The following TNIP2 variants were observed in gnomAD, a reference collection of about 807,000 sequenced individuals.
The protein encoded by TNIP2 is TNFAIP3-interacting protein 2.
A neutral mutation model predicts 43.7 loss-of-function variants in TNIP2; 30 were observed. The observed-to-expected ratio is 0.69, with a 90% CI of 0.51 to 0.93. The LOEUF (loss-of-function observed/expected upper bound fraction) is 0.93. TNIP2 is among the 40% of genes least tolerant of loss of function. TNIP2 has a pLI of 0.00. For missense variants in TNIP2, 599 were observed against 591.0 expected, an observed-to-expected ratio of 1.01 and a Z score of -0.14; for synonymous variants, 260 against 254.6, an observed-to-expected ratio of 1.02 and a Z score of -0.20.
Position 2,747,798 on chromosome 4 carries a change from C to T in TNIP2, c.424G>A (p.Val142Ile), listed in dbSNP as rs138986059. The change falls in exon 2 of 6, where the codon GTC (valine) becomes ATC (isoleucine). Residue 142 changes from valine to isoleucine, a missense_variant. Physicochemically the swap from Val to Ile is conservative, Grantham distance 29 (BLOSUM62 3). Transcript: ENST00000315423. ...TCGTTGGCCAAGGAGCGGCACAGGA[C>T]GTCACTGGCGGCCCGGGCGCGCTCC... ...EGERARAASD[V>I]LCRSLANETH... 1,042 of 1,612,638 alleles carry T rather than the reference C, an allele frequency of 6.5e-4. No homozygotes were observed. Among genetic ancestry groups the T allele is most frequent in the Non-Finnish European group, 7.9e-4 (930 of 1,180,046 alleles).
chr4:2,744,641 C>T lies in TNIP2; in HGVS notation c.906+56G>A, dbSNP rs1721887772. 6.3e-7 allele frequency: 1 copy of T among 1,583,546 alleles called. No individual in the cohort carries two copies. The highest frequency in any genetic ancestry group is 8.6e-7 in the Non-Finnish European group (1 of 1,168,286). ...GCCCAGCCTGTCCCATGATTTCGGCCACCACCGGCCAGCAGACATCTGGTC... is the reference window on the plus strand; with the variant it reads ...GCCCAGCCTGTCCCATGATTTCGGCTACCACCGGCCAGCAGACATCTGGTC... On this transcript the variant is annotated intron_variant, in intron 4 of 5. Transcript: ENST00000315423. The surrounding 1 kb of genome is among the most constrained non-coding windows in gnomAD (Gnocchi z 5.1).
chr4:2,755,889 A>C, intron 1 of TNIP2, 125 bp downstream of exon 1: 3 of 1,118,024 alleles, frequency 2.7e-6, no homozygotes, highest in South Asian at 2.4e-5. Context: ...AGGCCAACTC[A>C]ACCCCAGGAC....
In TNIP2 at chr4:2,756,226, T is replaced by C; in HGVS notation, c.64A>G (p.Thr22Ala). ...CGCTGTCCGGCCTCGTGGTACAGGGTGCAGAGCGCGGCAGCTGCGCGCGGG... is the reference window on the plus strand; with the variant it reads ...CGCTGTCCGGCCTCGTGGTACAGGGCGCAGAGCGCGGCAGCTGCGCGCGGG... Reference protein sequence around the residue: ...EAPRAAAALCTLYHEAGQRLR... With the variant: ...EAPRAAAALCALYHEAGQRLR... The change falls in exon 1 of 6, where the codon ACC (threonine) becomes GCC (alanine). Residue 22 changes from threonine (T) to alanine (A), a missense_variant. Thr to Ala is a moderately conservative substitution (Grantham distance 58). Transcript: ENST00000315423. 6.8e-7 allele frequency: 1 copy of C among 1,463,980 alleles called. No individual in the cohort carries two copies. 90.7% of individuals were successfully genotyped at this position (1,463,980 alleles called of 1,614,324 possible). A position where few individuals can be genotyped will look rare whatever the true frequency, so the allele number is the denominator to read the frequency against.
At chr4:2,746,606 G>A (rs1020634296) in intron 2 of TNIP2, among the ~76,000 whole-genome samples, 3 of 152,234 alleles carry the variant, frequency 2.0e-5, no homozygotes, top group Admixed American at 6.5e-5. Flanking sequence ...CCCAGTGGGC[G>A]CCTCGGTGAA....
Position 2,744,250 on chromosome 4 carries a change from A to G in TNIP2, c.1026+137T>C, listed in dbSNP as rs538661799. The G allele has an allele frequency of 8.0e-6, 9 of 1,128,952 alleles. No homozygotes were observed. Among genetic ancestry groups the G allele is most frequent in the Non-Finnish European group, 1.1e-5 (9 of 796,706 alleles). 69.9% of individuals were successfully genotyped at this position (1,128,952 alleles called of 1,614,324 possible). ...GGTACCAGGCCAGGTGGCTCTCCCC[A>G]CAGCAGGGAGGGGCTCGCCACAACC... On this transcript the variant is annotated intron_variant, in intron 5 of 5. Transcript: ENST00000315423. This position sits in a 1 kb window ranked among gnomAD's most constrained non-coding sequence, Gnocchi z 5.1.
rs1340370898 is a variant in TNIP2, at chr4:2,742,176, A to G, written c.*81T>C. The G allele has an allele frequency of 4.5e-6, 6 of 1,327,526 alleles. No homozygotes were observed. The highest frequency in any genetic ancestry group is 4.9e-6 in the Non-Finnish European group (5 of 1,016,420). 82.2% of individuals were successfully genotyped at this position (1,327,526 alleles called of 1,614,324 possible). On this transcript the variant is annotated 3_prime_UTR_variant, in exon 6 of 6. Transcript: ENST00000315423. ...CTTGGCTCTCAGTAGAGCTCAACCC[A>G]TGGCATCTGAGAGCACCCACCCTGT...
chr4:2,742,450 G>C lies in TNIP2; in HGVS notation c.1097C>G (p.Ala366Gly). 2 of 1,611,476 alleles carry C rather than the reference G, an allele frequency of 1.2e-6. No homozygotes were observed. The highest frequency in any genetic ancestry group is 2.2e-5 in the South Asian group (2 of 90,688). ...SKTAKYLAADALELMVPGGWR... is the reference protein window; with the variant it reads ...SKTAKYLAADGLELMVPGGWR... ...GCCACCAGGCACCATAAGCTCTAAT[G>C]CGTCGGCGGCCAAATACTTGGCAGT... The change falls in exon 6 of 6, where the codon GCA becomes GGA. Residue 366 changes from alanine to glycine, a missense_variant. By Grantham distance (60) the Ala-to-Gly change is moderately conservative (BLOSUM62 0). Coordinates refer to ENST00000315423, the MANE Select transcript of TNIP2 (RefSeq NM_024309.4).
In TNIP2 at chr4:2,747,813, G is replaced by A. The variant is rs376999844; in HGVS notation, c.409C>T (p.Arg137Trp). 38 of 1,613,006 alleles carry A rather than the reference G, an allele frequency of 2.4e-5. No individual in the cohort carries two copies. The highest frequency in any genetic ancestry group is 5.3e-5 in the African/African-American group (4 of 74,938). The change falls in exon 2 of 6, where the codon CGG (arginine) becomes TGG (tryptophan). Residue 137 changes from arginine (R) to tryptophan (W), a missense_variant. Physicochemically the swap from Arg to Trp is moderately radical, Grantham distance 101. Transcript: ENST00000315423. ...CGGCACAGGACGTCACTGGCGGCCC[G>A]GGCGCGCTCCCCTTCTGCCATGCTC... ...RRSMAEGERARAASDVLCRSL... is the reference protein window; with the variant it reads ...RRSMAEGERAWAASDVLCRSL...
intron 5 of TNIP2, among the ~76,000 whole-genome samples, chr4:2,742,887 G>C (rs1721833562): frequency 6.6e-6 from 1 of 152,170 alleles, no homozygotes; most frequent in South Asian, 2.1e-4. Flanking sequence ...GTGGGGAGCT[G>C]GGCAAACTGA....
At chr4:2,748,938 G>A (rs765850058) in intron 1 of TNIP2, among the ~76,000 whole-genome samples, 10 of 151,442 alleles carry the variant, frequency 6.6e-5, no homozygotes, top group Non-Finnish European at 1.3e-4. Flanking sequence ...CTACAGGCAC[G>A]TGCCACCGTG....
rs772393527 is a variant in TNIP2 at position 2,747,819 on chromosome 4, G to A, written c.403C>T (p.Arg135Cys). The change falls in exon 2 of 6, where the codon CGC becomes TGC. Residue 135 changes from arginine to cysteine, a missense_variant. Transcript: ENST00000315423. ...AGGACGTCACTGGCGGCCCGGGCGC[G>A]CTCCCCTTCTGCCATGCTCCTCCGT... ...LLRRSMAEGE[R>C]ARAASDVLCR... is the part of the protein sequence containing the mutation. 68 of 1,613,112 alleles carry A rather than the reference G, an allele frequency of 4.2e-5. No individual in the cohort carries two copies. Among genetic ancestry groups the A allele is most frequent in the Middle Eastern group, 1.6e-4 (1 of 6,084 alleles).
At chr4:2,747,479 T>C in intron 2 of TNIP2, 176 bp downstream of exon 2, 1 of 693,510 alleles carries the variant, frequency 1.4e-6, no homozygotes, top group Non-Finnish European at 2.4e-6. Context: ...TTTTGCATGT[T>C]CCATCATTTT....
chr4:2,754,881 A>G (rs13129007), intron 1 of TNIP2, among the ~76,000 whole-genome samples: 5,519 of 152,280 alleles, frequency 0.036, 125 homozygotes, highest in South Asian at 0.068. Context: ...ACGTGCCACC[A>G]TGCCCGGCTA....
chr4:2,749,897 C>T (rs1577310740), intron 1 of TNIP2, among the ~76,000 whole-genome samples: 1 of 152,066 alleles, frequency 6.6e-6, no homozygotes, highest in African/African-American at 2.4e-5. Context: ...CTGTAGCCTC[C>T]ACCTCCCAGA....
chr4:2,742,246 G>C lies in TNIP2; in HGVS notation c.*11C>G, dbSNP rs938181964. On this transcript the variant is annotated 3_prime_UTR_variant, in exon 6 of 6. Coordinates refer to ENST00000315423, the MANE Select transcript of TNIP2 (RefSeq NM_024309.4). ...GGGCCAGGAGGCCGCAAGGGCACGG[G>C]TGAGTCTCGGTCACTGGCAGCACTC... 2 of 1,467,548 alleles carry C rather than the reference G, an allele frequency of 1.4e-6. No homozygotes were observed. Among genetic ancestry groups the C allele is most frequent in the Admixed American group, 4.9e-5 (2 of 41,034 alleles). The allele number at this position is 1,467,548 out of a possible 1,614,324, so 90.9% of individuals were successfully genotyped here.
intron 1 of TNIP2, among the ~76,000 whole-genome samples, chr4:2,748,463 C>T (rs1192054032): frequency 6.6e-6 from 1 of 152,226 alleles, no homozygotes; most frequent in African/African-American, 2.4e-5. Flanking sequence ...CTGCCTCAGC[C>T]TTCCGAGTAG....
chr4:2,752,800 T>A (rs1722135617), intron 1 of TNIP2, among the ~76,000 whole-genome samples: 1 of 152,098 alleles, frequency 6.6e-6, no homozygotes, highest in Non-Finnish European at 1.5e-5. Context: ...TACCAGCACT[T>A]TGAGAGGCCG....
chr4:2,749,105 C>T (rs2109487843), intron 1 of TNIP2, among the ~76,000 whole-genome samples: 1 of 152,268 alleles, frequency 6.6e-6, no homozygotes, highest in Non-Finnish European at 1.5e-5. Context: ...TCTATTTTCA[C>T]AAGCAAGTTC....
chr4:2,748,467 C>G (rs540870492), intron 1 of TNIP2, among the ~76,000 whole-genome samples: 3 of 152,142 alleles, frequency 2.0e-5, no homozygotes, highest in Admixed American at 2.0e-4. Flanking sequence ...CTCAGCCTTC[C>G]GAGTAGCTGG....
Sources: gnomAD v4.1 joint callset for allele counts (sites outside exome capture counted in the v4.1 genomes callset) on GRCh38, gnomAD v4.1.1 for gene constraint, Gnocchi (gnomAD v3.1) non-coding constraint, MANE v1.5 for transcripts, NCBI Gene and HGNC (gene_info 2026-07-23, HGNC 2026-07-21) for gene names.